Variants in IL1RAPL2 observed in about 807,000 individuals in gnomAD.
IL1RAPL2 encodes the protein X-linked interleukin-1 receptor accessory protein-like 2.
In IL1RAPL2, 3 loss-of-function variants were observed where a neutral mutation model predicts 44.1. The observed-to-expected ratio is 0.07, with a 90% confidence interval of 0.03 to 0.18. The LOEUF is 0.18. IL1RAPL2 is among the 10% of genes least tolerant of loss of function. The pLI, the probability that IL1RAPL2 is intolerant of heterozygous loss-of-function variation, is 1.00. For synonymous variants in IL1RAPL2, 181 were observed against 178.8 expected, an observed-to-expected ratio of 1.01 and a Z score of -0.10; for missense variants, 391 against 496.4, an observed-to-expected ratio of 0.79 and a Z score of 2.02.
intron 5 of IL1RAPL2, among the ~76,000 whole-genome samples, chrX:105,335,980 A>G (rs1186364986): frequency 8.9e-6 from 1 of 112,099 alleles, no homozygotes; most frequent in Non-Finnish European, 1.9e-5. Context: ...TTCATACCCA[A>G]ATGAGTACAG....
At chrX:105,598,792 C>T (rs1005455793) in intron 6 of IL1RAPL2, among the ~76,000 whole-genome samples, 6 of 112,187 alleles carry the variant, frequency 5.3e-5, no homozygotes, top group African/African-American at 1.9e-4. Flanking sequence ...TAATCATCAT[C>T]AGAGATATAT....
chrX:105,055,255 G>A (rs1392173504), intron 2 of IL1RAPL2, among the ~76,000 whole-genome samples: 1 of 111,396 alleles, frequency 9.0e-6, no homozygotes, highest in African/African-American at 3.3e-5. Flanking sequence ...AGGTCTTTGG[G>A]CCTCTTTTAT....
chrX:104,807,887 A>T (rs931775618), intron 2 of IL1RAPL2, among the ~76,000 whole-genome samples: 2 of 111,752 alleles, frequency 1.8e-5, no homozygotes, highest in African/African-American at 3.3e-5. Flanking sequence ...TTAAATAAAA[A>T]CAGCACTTAT....
chrX:105,051,290 G>A (rs1052523525), intron 2 of IL1RAPL2, among the ~76,000 whole-genome samples: 4 of 48,549 alleles, frequency 8.2e-5, no homozygotes, highest in Non-Finnish European at 1.1e-4. Context: ...TGCAGGGACT[G>A]GGGGGTCATG....
At chrX:104,592,145 ATGTGTGTGTGTGTGTG>A (rs35940205) in intron 1 of IL1RAPL2, among the ~76,000 whole-genome samples, 57 of 60,215 alleles carry the variant, frequency 9.5e-4, no homozygotes, top group Non-Finnish European at 1.4e-3. Context: ...ATGCCCGTAT[ATGTGTGTGTGTGTGTG>A]TGTGTGTGTG....
At chrX:105,321,028 T>C (rs750701697) in intron 5 of IL1RAPL2, among the ~76,000 whole-genome samples, 22 of 111,552 alleles carry the variant, frequency 2.0e-4, no homozygotes, top group African/African-American at 6.5e-4. Flanking sequence ...AAGCCTTCCA[T>C]GATTTCATTT....
intron 2 of IL1RAPL2, among the ~76,000 whole-genome samples, chrX:104,845,848 C>T (rs916698464): frequency 1.8e-5 from 2 of 111,726 alleles, no homozygotes; most frequent in Non-Finnish European, 3.8e-5. Flanking sequence ...TTCATTGTCC[C>T]TCCATGCCAA....
At chrX:104,976,735 C>T (rs779820580) in intron 2 of IL1RAPL2, among the ~76,000 whole-genome samples, 8 of 110,413 alleles carry the variant, frequency 7.2e-5, no homozygotes, top group South Asian at 3.9e-4. Context: ...CAGGGGTTCT[C>T]CAAATGCCAA....
intron 5 of IL1RAPL2, among the ~76,000 whole-genome samples, chrX:105,358,269 G>A (rs769468007): frequency 1.2e-3 from 126 of 107,306 alleles, no homozygotes; most frequent in Non-Finnish European, 1.3e-3. Context: ...TTTCCTACAC[G>A]TTTTTCCTTT....
chrX:105,137,048 G>A (rs935462574), intron 2 of IL1RAPL2, among the ~76,000 whole-genome samples: 1 of 111,580 alleles, frequency 9.0e-6, no homozygotes, highest in African/African-American at 3.3e-5. Flanking sequence ...TGTGCTTTCT[G>A]ATGGGAGAAT....
intron 6 of IL1RAPL2, among the ~76,000 whole-genome samples, chrX:105,674,395 A>C (rs934624175): frequency 8.9e-6 from 1 of 112,147 alleles, no homozygotes; most frequent in African/African-American, 3.2e-5. Flanking sequence ...ATGGATAGCC[A>C]GTTCTCCCAG....
chrX:104,776,054 T>C (rs1360928552), intron 2 of IL1RAPL2, among the ~76,000 whole-genome samples: 2 of 112,036 alleles, frequency 1.8e-5, no homozygotes, highest in Non-Finnish European at 3.8e-5. Flanking sequence ...GTGGAGTCCA[T>C]TGATGTCCCT....
chrX:104,749,076 TATAAC>T (rs1160707557), intron 2 of IL1RAPL2, among the ~76,000 whole-genome samples: 2 of 110,926 alleles, frequency 1.8e-5, no homozygotes, highest in African/African-American at 6.5e-5. Context: ...CCCAGGGAAA[TATAAC>T]AGTAAGGATT....
At chrX:105,009,508 CA>C (rs2031008201) in intron 2 of IL1RAPL2, among the ~76,000 whole-genome samples, 1 of 103,017 alleles carries the variant, frequency 9.7e-6, no homozygotes, top group South Asian at 4.5e-4. Context: ...GACAAAAAAC[CA>C]AACACCACAT....
chrX:104,793,823 T>G (rs1932837269), intron 2 of IL1RAPL2, among the ~76,000 whole-genome samples: 2 of 111,574 alleles, frequency 1.8e-5, no homozygotes, highest in Non-Finnish European at 3.8e-5. Flanking sequence ...ATGAGCACCT[T>G]ACTGGTTAAT....
rs887855811 is a variant in IL1RAPL2 at position 104,849,882 on chromosome X, C to G, written c.82+190887C>G. On this transcript the variant is annotated intron_variant, in intron 2 of 10. Transcript: ENST00000372582. ...GCTCATTTACCTAAGCCAATCTAAA[C>G]AGAATTTTTAAAAGGGAATTCTGGT... Among the ~76,000 whole-genome samples the G allele has an allele frequency of 5.4e-5, 6 of 111,035 alleles. No individual in the cohort carries two copies. In the Admixed American group the frequency reaches 5.8e-4, roughly 11 times the overall value.
At chrX:105,623,602 T>A (rs1259384273) in intron 6 of IL1RAPL2, among the ~76,000 whole-genome samples, 1 of 111,066 alleles carries the variant, frequency 9.0e-6, no homozygotes. Flanking sequence ...TTATCCAACA[T>A]TTATTGAGCA....
intron 2 of IL1RAPL2, among the ~76,000 whole-genome samples, chrX:104,929,760 C>T (rs1924854223): frequency 9.0e-6 from 1 of 111,355 alleles, no homozygotes. Context: ...CATATTCCTT[C>T]TGCATCCACC....
At chrX:104,767,900 A>C (rs1407835653) in intron 2 of IL1RAPL2, among the ~76,000 whole-genome samples, 2 of 112,186 alleles carry the variant, frequency 1.8e-5, no homozygotes, top group African/African-American at 6.5e-5. Context: ...TCAGAAGCTA[A>C]AGTGAATGTC....
Sources: gnomAD v4.1 joint callset for allele counts (sites outside exome capture counted in the v4.1 genomes callset) on GRCh38, gnomAD v4.1.1 for gene constraint, MANE v1.5 for transcripts, NCBI Gene and HGNC (gene_info 2026-07-23, HGNC 2026-07-21) for gene names.